The following ITGB8 variants were observed in gnomAD, a reference collection of about 807,000 sequenced individuals.
ITGB8 encodes integrin subunit beta 8, also known as integrin beta-8.
Under a neutral mutation model 89.5 loss-of-function variants are expected in ITGB8, and 30 were observed. The observed-to-expected ratio is 0.34, with a 90% CI of 0.25 to 0.45. The LOEUF is 0.45. ITGB8 is among the 20% of genes least tolerant of loss of function. The pLI, the probability that ITGB8 is intolerant of heterozygous loss-of-function variation, is 1.00. For synonymous variants in ITGB8, 335 were observed against 320.4 expected (o/e 1.05, Z -0.49); for missense variants, 836 against 933.3 (o/e 0.90, Z 1.36).
In ITGB8 at chr7:20,401,919, T is replaced by A; in HGVS notation, c.1480T>A (p.Cys494Ser). ...TTTTCTAGATTCCAAGTGTTTCCAG[T>A]GTGATGAGAATAAATGTCATTTTGA... Reference protein sequence around the residue: ...ETFLDSKCFQCDENKCHFDED... With the variant: ...ETFLDSKCFQSDENKCHFDED... Residue 494 changes from cysteine to serine, a missense_variant, in exon 10 of 14, where the codon TGT becomes AGT. This residue lies in a region of ITGB8 where 422 missense variants were observed against 416.9 expected (regional missense o/e 1.01). Coordinates refer to ENST00000222573, the MANE Select transcript of ITGB8 (RefSeq NM_002214.3). The A allele has an allele frequency of 6.2e-7, 1 of 1,614,092 alleles. No individual in the cohort carries two copies. Among genetic ancestry groups the A allele is most frequent in the Non-Finnish European group, 8.5e-7 (1 of 1,179,974 alleles).
Position 20,404,638 on chromosome 7 carries a change from G to A in ITGB8, c.1698G>A (p.Glu566=), listed in dbSNP as rs1183947464. 1 of 1,613,822 alleles carries A rather than the reference G, an allele frequency of 6.2e-7. No individual in the cohort carries two copies. Among genetic ancestry groups the A allele is most frequent in the Non-Finnish European group, 8.5e-7 (1 of 1,179,826 alleles). ...GTGTCTTCCTCACAGGGCATGGAGA[G>A]TGTGAAGCAGGCAGATGCCAATGCT... is the stretch of plus-strand genomic sequence containing the variant. ...HHGNLCAGHG[E]CEAGRCQCFS... Residue 566 remains glutamate (E), a synonymous_variant, in exon 11 of 14, where the codon GAG becomes GAA. Coordinates refer to ENST00000222573, the MANE Select transcript of ITGB8 (RefSeq NM_002214.3).
intron 1 of ITGB8, among the ~76,000 whole-genome samples, chr7:20,338,355 AG>A (rs1784643041): frequency 6.6e-6 from 1 of 152,180 alleles, no homozygotes; most frequent in Non-Finnish European, 1.5e-5. Context: ...GGCCGGTTGC[AG>A]TGGCTAACAA....
intron 10 of ITGB8, 108 bp downstream of exon 10, chr7:20,402,234 A>C (rs1397422520): frequency 5.0e-6 from 5 of 1,000,588 alleles, no homozygotes; most frequent in African/African-American, 1.6e-5. Flanking sequence ...CTGAATCTGA[A>C]TTTGTTATTC....
At chr7:20,370,275 C>T (rs1223928161) in intron 3 of ITGB8, among the ~76,000 whole-genome samples, 3 of 151,450 alleles carry the variant, frequency 2.0e-5, no homozygotes, top group Admixed American at 6.6e-5. Flanking sequence ...GAAAAAAATT[C>T]AGAAAGAAGC....
chr7:20,404,276 A>AGGCAG lies in ITGB8; in HGVS notation c.1688-351_1688-347dup, dbSNP rs149756019. 7.0e-3 allele frequency among the ~76,000 whole-genome samples: 1,060 copies of AGGCAG among 152,358 alleles called. 15 individuals carry two copies. The highest frequency in any genetic ancestry group is 0.024 in the African/African-American group (1,012 of 41,582). On this transcript the variant is annotated intron_variant, in intron 10 of 13. Coordinates refer to ENST00000222573, the MANE Select transcript of ITGB8 (RefSeq NM_002214.3). ...CCTGTATCTTTTCTAATTTCAAGTC[A>AGGCAG]GGCAGTTAACATTACTTTGGCCTTT...
At chr7:20,402,183 G>T in intron 10 of ITGB8, 57 bp downstream of exon 10, 2 of 1,375,878 alleles carry the variant, frequency 1.5e-6, no homozygotes, top group East Asian at 4.7e-5. Flanking sequence ...CAGCATAGAT[G>T]TTAAAGTGTC....
intron 12 of ITGB8, among the ~76,000 whole-genome samples, chr7:20,406,613 A>C (rs17424375): frequency 0.028 from 4,204 of 150,912 alleles, 172 homozygotes; most frequent in African/African-American, 0.089. Flanking sequence ...TTTATTCTTT[A>C]TAACAATAAT....
At chr7:20,342,835 G>T (rs890394909) in intron 1 of ITGB8, among the ~76,000 whole-genome samples, 2 of 152,220 alleles carry the variant, frequency 1.3e-5, no homozygotes, top group Admixed American at 1.3e-4. Context: ...GAGTTTGGTT[G>T]TCATTTGTTC....
intron 1 of ITGB8, among the ~76,000 whole-genome samples, 164 bp from the exon 2 acceptor site, chr7:20,363,473 T>C (rs1478611697): frequency 2.6e-5 from 4 of 152,214 alleles, no homozygotes; most frequent in African/African-American, 9.6e-5. Flanking sequence ...CGGTCGACTC[T>C]TTCCAATAAA....
At chr7:20,388,581 TCTCTAGGG>T (rs1786723571) in intron 6 of ITGB8, among the ~76,000 whole-genome samples, 1 of 152,174 alleles carries the variant, frequency 6.6e-6, no homozygotes, top group African/African-American at 2.4e-5. Context: ...AAGAGATTTC[TCTCTAGGG>T]CTCAAAAAAT....
chr7:20,399,337 T>C (rs1482769933), intron 9 of ITGB8, among the ~76,000 whole-genome samples: 1 of 152,198 alleles, frequency 6.6e-6, no homozygotes, highest in Non-Finnish European at 1.5e-5. Flanking sequence ...CTTATAATAA[T>C]GATAATGCCT....
At position 20,379,209 on chromosome 7, in the gene ITGB8, G is replaced by A; in HGVS notation, c.547G>A (p.Asp183Asn). 1.2e-6 allele frequency: 2 copies of A among 1,612,060 alleles called. No individual in the cohort carries two copies. Among genetic ancestry groups the A allele is most frequent in the African/African-American group, 1.3e-5 (1 of 74,928 alleles). The change falls in exon 4 of 14, where the codon GAC becomes AAC. Residue 183 changes from aspartate (D) to asparagine (N), a missense_variant. Asp to Asn is a conservative substitution (Grantham distance 23). Around this residue, in one of 5 missense-constraint regions of ITGB8, gnomAD observed 38 missense variants for 52.2 expected, o/e 0.73. Coordinates refer to ENST00000222573, the MANE Select transcript of ITGB8 (RefSeq NM_002214.3). ...LSRKMAFFSR[D>N]FRLGFGSYVD... ...TAGAAAAATGGCATTTTTCTCCCGT[G>A]ACTTTCGTCTTGGATTTGGCTCATA...
intron 1 of ITGB8, among the ~76,000 whole-genome samples, chr7:20,337,135 G>T (rs1246717324): frequency 6.6e-6 from 1 of 152,032 alleles, no homozygotes; most frequent in Non-Finnish European, 1.5e-5. Context: ...AACTTTCTGT[G>T]ACAATGATTT....
rs1429859191 is a variant in ITGB8, at chr7:20,411,147, T to A, written c.*1150T>A. 4 of 8,628 alleles carry A rather than the reference T, an allele frequency of 4.6e-4. No individual in the cohort carries two copies. The highest frequency in any genetic ancestry group is 8.9e-4 in the Non-Finnish European group (3 of 3,374). The allele number at this position is 8,628 out of a possible 1,614,324, so 0.5% of individuals were successfully genotyped here. A position where few individuals can be genotyped will look rare whatever the true frequency, so the allele number is the denominator to read the frequency against. ...AATAGATGATATCTTAGAAATAAGC[T>A]TTTTTTTTTTTTTTTTTTTTTTTTG... On this transcript the variant is annotated 3_prime_UTR_variant, in exon 14 of 14. Transcript: ENST00000222573.
intron 3 of ITGB8, among the ~76,000 whole-genome samples, chr7:20,374,749 A>G (rs1786067547): frequency 6.6e-6 from 1 of 152,248 alleles, no homozygotes; most frequent in African/African-American, 2.4e-5. Flanking sequence ...GAAGTAAAGC[A>G]GATTTGTCTT....
intron 13 of ITGB8, 42 bp from the exon 14 acceptor site, chr7:20,409,833 A>G (rs752540588): frequency 6.2e-7 from 1 of 1,610,516 alleles, no homozygotes; most frequent in Non-Finnish European, 8.5e-7. Context: ...TAGTTACAAT[A>G]TTTAGGCCCT....
intron 3 of ITGB8, among the ~76,000 whole-genome samples, chr7:20,377,748 G>A (rs149959235): frequency 2.0e-4 from 31 of 152,240 alleles, no homozygotes; most frequent in Admixed American, 7.2e-4. Context: ...ACACTAAAGG[G>A]GTTGCCTGCA....
intron 1 of ITGB8, among the ~76,000 whole-genome samples, chr7:20,358,866 T>TTTCA (rs1785394457): frequency 2.0e-5 from 3 of 152,180 alleles, no homozygotes; most frequent in African/African-American, 7.2e-5. Flanking sequence ...CCCTCCCTAC[T>TTTCA]TTCACCCTCT....
At chr7:20,394,470 C>T (rs1355993803) in intron 7 of ITGB8, among the ~76,000 whole-genome samples, 2 of 152,178 alleles carry the variant, frequency 1.3e-5, no homozygotes, top group East Asian at 3.8e-4. Context: ...GATTGCAGGC[C>T]TACTCTGAAA....
Sources: gnomAD v4.1 joint callset for allele counts (sites outside exome capture counted in the v4.1 genomes callset) on GRCh38, gnomAD v4.1.1 for gene constraint, gnomAD v4.1.1 regional missense constraint, MANE v1.5 for transcripts, NCBI Gene and HGNC (gene_info 2026-07-23, HGNC 2026-07-21) for gene names.